SLC47A2: variants seen among roughly 807,000 people sequenced by gnomAD.
SLC47A2 encodes multidrug and toxin extrusion protein 2.
In SLC47A2, 52 loss-of-function variants were observed where a neutral mutation model predicts 67.7. That is an observed-to-expected ratio of 0.77 (90% CI 0.61 to 0.97). The LOEUF (loss-of-function observed/expected upper bound fraction) is 0.97. Among genes scored for constraint, SLC47A2 ranks in the 50% least tolerant of loss-of-function variants. The probability of loss-of-function intolerance (pLI) is 0.00; values close to 1 mark genes in which losing one functional copy is unlikely to be tolerated. For synonymous variants in SLC47A2, 278 were observed against 292.9 expected, an observed-to-expected ratio of 0.95 and a Z score of 0.52; for missense variants, 676 against 712.3, an observed-to-expected ratio of 0.95 and a Z score of 0.58.
At chr17:19,681,239 C>G (rs528291229) in intron 15 of SLC47A2, 128 bp downstream of exon 15, 1 of 717,706 alleles carries the variant, frequency 1.4e-6, no homozygotes, top group Admixed American at 3.0e-5. Flanking sequence ...AAAAAAAAAA[C>G]ACCTGCAGCT....
At chr17:19,711,045 G>A (rs1182748562) in intron 5 of SLC47A2, among the ~76,000 whole-genome samples, 1 of 151,926 alleles carries the variant, frequency 6.6e-6, no homozygotes, top group Middle Eastern at 3.4e-3. Flanking sequence ...CCAACCTCAG[G>A]TGATCTGCCT....
At position 19,679,025 on chromosome 17, in the gene SLC47A2, G is replaced by C; in HGVS notation, c.1481-119C>G. On this transcript the variant is annotated intron_variant, in intron 16 of 16. Coordinates refer to ENST00000433844, the MANE Select transcript of SLC47A2 (RefSeq NM_001099646.3). The stretch of plus-strand genomic sequence containing the variant: ...GTGTTTGTTACACCTCACAAGGGAC[G>C]ATGCCTATACAGTAGAAAAATAACT... The C allele has an allele frequency of 3.9e-6, 3 of 767,448 alleles. No individual in the cohort carries two copies. The Admixed American group carries it at 6.4e-5, about 16-fold the overall frequency. The allele number at this position is 767,448 out of a possible 1,614,324, so 47.5% of individuals were successfully genotyped here.
At position 19,715,200 on chromosome 17, in the gene SLC47A2, C is replaced by T. The variant is rs555161208; in HGVS notation, c.141G>A (p.Leu47=). The part of the protein sequence containing the change: ...LSGPLFLFQV[L]TFMIYIVSTV... ...TGCTCACGATGTAGATCATAAAAGT[C>T]AGCACCTGGAACAGGAACTGGAGGA... The change falls in exon 2 of 17, where the codon CTG becomes CTA. Residue 47 remains leucine (L), a synonymous_variant. Transcript: ENST00000433844. 4.3e-6 allele frequency: 7 copies of T among 1,610,734 alleles called. No homozygotes were observed. In the East Asian group the frequency reaches 1.3e-4, roughly 31 times the overall value.
chr17:19,704,857 A>T, intron 10 of SLC47A2, among the ~76,000 whole-genome samples: 1 of 115,604 alleles, frequency 8.7e-6, no homozygotes, highest in South Asian at 2.8e-4. Context: ...ACAGAGTCTT[A>T]CTCTGTTGCC....
chr17:19,713,811 G>C lies in SLC47A2; in HGVS notation c.443+14C>G. 6.2e-7 allele frequency: 1 copy of C among 1,600,326 alleles called. No individual in the cohort carries two copies. Among genetic ancestry groups the C allele is most frequent in the Non-Finnish European group, 8.5e-7 (1 of 1,171,464 alleles). ...CCCAGCAAGCCCCACCTCCCCAGCC[G>C]GAGCCCAGCGCACCTGGACACGTCC... On this transcript the variant is annotated intron_variant, in intron 4 of 16. Transcript: ENST00000433844.
chr17:19,682,968 G>A (rs2085348325), intron 13 of SLC47A2, among the ~76,000 whole-genome samples: 2 of 152,160 alleles, frequency 1.3e-5, no homozygotes, highest in Non-Finnish European at 2.9e-5. Flanking sequence ...TAGATATTTG[G>A]TTATTTTTAT....
chr17:19,680,152 G>T, intron 15 of SLC47A2, 113 bp from the exon 16 acceptor site: 3 of 975,114 alleles, frequency 3.1e-6, no homozygotes, highest in Non-Finnish European at 4.6e-6. Flanking sequence ...CAGCATATAT[G>T]CATGTATTCA....
At chr17:19,703,716 G>A (rs1034281971) in intron 11 of SLC47A2, among the ~76,000 whole-genome samples, 2 of 152,212 alleles carry the variant, frequency 1.3e-5, no homozygotes, top group Admixed American at 6.5e-5. Context: ...AAGGACTCTG[G>A]ACAGCTGGAA....
chr17:19,709,594 G>A (rs2086042450), intron 5 of SLC47A2, among the ~76,000 whole-genome samples: 1 of 152,048 alleles, frequency 6.6e-6, no homozygotes, highest in African/African-American at 2.4e-5. Context: ...GTGTGTGTGT[G>A]TACTTAATAT....
At chr17:19,708,219 TG>T in intron 7 of SLC47A2, 82 bp downstream of exon 7, 1 of 1,493,912 alleles carries the variant, frequency 6.7e-7, no homozygotes, top group Admixed American at 1.8e-5. Flanking sequence ...AGGGCCAGGA[TG>T]GTGACTGATC....
chr17:19,678,918 A>G lies in SLC47A2; in HGVS notation c.1481-12T>C. On this transcript the variant is annotated splice_polypyrimidine_tract_variant and intron_variant, in intron 16 of 16. Transcript: ENST00000433844. ...ACTGCCTGTAGCCACTGCGGAAGCA[A>G]ACAGGAGCAAACTCAGCAGGTCAGG... 1 of 1,556,416 alleles carries G rather than the reference A, an allele frequency of 6.4e-7. No individual in the cohort carries two copies. The highest frequency in any genetic ancestry group is 8.7e-7 in the Non-Finnish European group (1 of 1,148,776).
At position 19,716,493 on chromosome 17, in the gene SLC47A2, C is replaced by G. The variant is rs2152367500; in HGVS notation, c.63G>C (p.Arg21Ser). Residue 21 changes from arginine to serine, a missense_variant, in exon 1 of 17, where the codon AGG becomes AGC. Physicochemically the swap from Arg to Ser is moderately radical, Grantham distance 110 (BLOSUM62 -1). Coordinates refer to ENST00000433844, the MANE Select transcript of SLC47A2 (RefSeq NM_001099646.3). Reference protein sequence around the residue: ...DHGGCCPALSRLVPRGFGTEM... With the variant: ...DHGGCCPALSSLVPRGFGTEM... ...CAGTCCCAAAGCCTCTGGGAACCAGCCTGCTGAGGGCAGGGCAGCAGCCCC... is the reference window on the plus strand; with the variant it reads ...CAGTCCCAAAGCCTCTGGGAACCAGGCTGCTGAGGGCAGGGCAGCAGCCCC... 1 of 1,612,810 alleles carries G rather than the reference C, an allele frequency of 6.2e-7. No homozygotes were observed. The highest frequency in any genetic ancestry group is 2.2e-5 in the East Asian group (1 of 44,846).
chr17:19,688,553 CA>C (rs1246362212), intron 13 of SLC47A2, among the ~76,000 whole-genome samples: 1 of 152,088 alleles, frequency 6.6e-6, no homozygotes, highest in African/African-American at 2.4e-5. Flanking sequence ...AAAAGGAAAT[CA>C]AATTATCCTT....
chr17:19,688,080 A>C (rs926688245), intron 13 of SLC47A2, among the ~76,000 whole-genome samples: 2 of 151,386 alleles, frequency 1.3e-5, no homozygotes, highest in African/African-American at 4.8e-5. Context: ...AAGACACATC[A>C]AAAAAAAGAA....
intron 5 of SLC47A2, 119 bp downstream of exon 5, chr17:19,712,584 T>G (rs1392231778): frequency 1.9e-6 from 2 of 1,058,316 alleles, no homozygotes; most frequent in Non-Finnish European, 2.9e-6. Flanking sequence ...TCAGTCACCC[T>G]CATGGCCCAG....
chr17:19,690,482 A>C (rs2085515959), intron 13 of SLC47A2, among the ~76,000 whole-genome samples: 1 of 152,154 alleles, frequency 6.6e-6, no homozygotes, highest in African/African-American at 2.4e-5. Flanking sequence ...AAAGTGAAGA[A>C]ACCACCCACA....
chr17:19,705,890 A>T (rs1183264258), intron 9 of SLC47A2, among the ~76,000 whole-genome samples: 1 of 152,208 alleles, frequency 6.6e-6, no homozygotes, highest in Non-Finnish European at 1.5e-5. Context: ...TGAGCCACTG[A>T]GCCCGGCTGA....
rs572174998 is a variant in SLC47A2, at chr17:19,716,433, C to G, written c.123G>C (p.Leu41=). ...CTGCCCCCCAGCTCCTCCTCCTTAC[C>G]AGGGGTCCAGAAAGGGCAAAGAGAG... ...MWTLFALSGP[L]FLFQVLTFMI... is the part of the protein sequence containing the mutation. The change falls in exon 1 of 17, where the codon CTG becomes CTC. Residue 41 remains leucine (L), a splice_region_variant and synonymous_variant. Coordinates refer to ENST00000433844, the MANE Select transcript of SLC47A2 (RefSeq NM_001099646.3). The G allele has an allele frequency of 2.1e-5, 34 of 1,608,810 alleles. No individual in the cohort carries two copies. In the South Asian group the frequency reaches 3.2e-4, roughly 15 times the overall value.
At chr17:19,694,334 G>A (rs2085610504) in intron 13 of SLC47A2, among the ~76,000 whole-genome samples, 1 of 152,172 alleles carries the variant, frequency 6.6e-6, no homozygotes, top group Non-Finnish European at 1.5e-5. Flanking sequence ...GGACAGAAAA[G>A]AACAGTTGGT....
Sources: gnomAD v4.1 joint callset for allele counts (sites outside exome capture counted in the v4.1 genomes callset) on GRCh38, gnomAD v4.1.1 for gene constraint, MANE v1.5 for transcripts, NCBI Gene and HGNC (gene_info 2026-07-23, HGNC 2026-07-21) for gene names.